The following VPS13B variants were observed in gnomAD, a reference collection of about 807,000 sequenced individuals.
VPS13B encodes the protein intermembrane lipid transfer protein VPS13B.
Under a neutral mutation model 426.4 loss-of-function variants are expected in VPS13B, and 285 were observed. That is an observed-to-expected ratio of 0.67 (90% confidence interval 0.61 to 0.74). The LOEUF (loss-of-function observed/expected upper bound fraction) is 0.74. Among genes scored for constraint, VPS13B ranks in the 30% least tolerant of loss-of-function variants. The pLI is 0.00. For missense variants in VPS13B, 4,537 were observed against 4,782.6 expected (o/e 0.95, Z 1.51); for synonymous variants, 1,676 against 1,676.4 (o/e 1.00, Z 0.01).
At chr8:99,314,695 C>T (rs1344161912) in intron 19 of VPS13B, among the ~76,000 whole-genome samples, 1 of 150,900 alleles carries the variant, frequency 6.6e-6, no homozygotes, top group African/African-American at 2.5e-5. Flanking sequence ...ATGCAATCCT[C>T]CTGCCTTGGC....
intron 61 of VPS13B, among the ~76,000 whole-genome samples, chr8:99,874,626 A>T (rs1383317472): frequency 7.4e-6 from 1 of 135,004 alleles, no homozygotes; most frequent in Non-Finnish European, 1.6e-5. Context: ...CAAACTTCCC[A>T]CTCCACTTGA....
Position 99,337,825 on chromosome 8 carries a change from T to G in VPS13B, c.2825-46383T>G, listed in dbSNP as rs1362755862. Among the ~76,000 whole-genome samples, 4 of 152,172 alleles carry G rather than the reference T, an allele frequency of 2.6e-5. No individual in the cohort carries two copies. In the East Asian group the frequency reaches 7.7e-4, roughly 29 times the overall value. ...CAGGATATCCTTCTATATTTTCCTC[T>G]AAAAGCCTTATAGTTTAGCTTTTAA... On this transcript the variant is annotated intron_variant, in intron 19 of 61. Coordinates refer to ENST00000357162, the MANE Select transcript of VPS13B (RefSeq NM_152564.5).
intron 29 of VPS13B, among the ~76,000 whole-genome samples, chr8:99,519,051 T>C (rs1822236000): frequency 1.3e-5 from 2 of 152,240 alleles, no homozygotes; most frequent in South Asian, 4.1e-4. Context: ...GCTACTATAG[T>C]AGAATCATCT....
chr8:99,565,690 A>AT (rs1446927107), intron 31 of VPS13B, among the ~76,000 whole-genome samples: 8 of 152,102 alleles, frequency 5.3e-5, no homozygotes, highest in Admixed American at 2.0e-4. Context: ...CAAACATGAG[A>AT]TTTTTTCCAG....
chr8:99,185,063 A>G (rs1813147188), intron 16 of VPS13B, among the ~76,000 whole-genome samples: 2 of 152,254 alleles, frequency 1.3e-5, no homozygotes, highest in Non-Finnish European at 2.9e-5. Context: ...GACGAATGTG[A>G]AAATTCAGCG....
chr8:99,501,591 T>C (rs1315826819), intron 25 of VPS13B, 96 bp from the exon 26 acceptor site: 4 of 1,293,756 alleles, frequency 3.1e-6, no homozygotes, highest in Non-Finnish European at 3.2e-6. Flanking sequence ...TGTGAAAAAG[T>C]TACAAATAAT....
At chr8:99,801,174 C>A (rs919118023) in intron 43 of VPS13B, among the ~76,000 whole-genome samples, 2 of 152,072 alleles carry the variant, frequency 1.3e-5, no homozygotes, top group South Asian at 4.1e-4. Flanking sequence ...TCTCTTCACC[C>A]TTCCTTCCTA....
chr8:99,629,759 G>A (rs1156266295), intron 33 of VPS13B, among the ~76,000 whole-genome samples: 1 of 152,082 alleles, frequency 6.6e-6, no homozygotes, highest in Non-Finnish European at 1.5e-5. Flanking sequence ...CAGATTCTGA[G>A]GTGGAGTAAT....
intron 17 of VPS13B, among the ~76,000 whole-genome samples, chr8:99,267,186 A>G (rs1818351752): frequency 6.6e-6 from 1 of 152,168 alleles, no homozygotes; most frequent in Non-Finnish European, 1.5e-5. Flanking sequence ...GATATGGACA[A>G]TGAAGTCTGG....
intron 36 of VPS13B, among the ~76,000 whole-genome samples, chr8:99,709,591 T>C (rs1832631097): frequency 6.6e-6 from 1 of 152,216 alleles, no homozygotes; most frequent in South Asian, 2.1e-4. Context: ...TTTAATTAAA[T>C]ATCTGCCATT....
intron 55 of VPS13B, among the ~76,000 whole-genome samples, 162 bp from the exon 56 acceptor site, chr8:99,853,289 C>T (rs559388670): frequency 6.6e-6 from 1 of 152,218 alleles, no homozygotes; most frequent in East Asian, 1.9e-4. Flanking sequence ...TGACTGACTC[C>T]GTCCAGACAC....
At chr8:99,235,843 A>G (rs900677844) in intron 17 of VPS13B, among the ~76,000 whole-genome samples, 2 of 152,236 alleles carry the variant, frequency 1.3e-5, no homozygotes, top group Admixed American at 6.5e-5. Context: ...GAGATAATAG[A>G]GACATAAAAC....
chr8:99,711,097 A>G (rs1832692585), intron 36 of VPS13B, among the ~76,000 whole-genome samples: 1 of 152,172 alleles, frequency 6.6e-6, no homozygotes, highest in South Asian at 2.1e-4. Flanking sequence ...GTAAATGTTC[A>G]AAGGAAATAT....
At chr8:99,645,334 A>G (rs761549112) in intron 34 of VPS13B, among the ~76,000 whole-genome samples, 1 of 152,222 alleles carries the variant, frequency 6.6e-6, no homozygotes, top group Admixed American at 6.6e-5. Flanking sequence ...AGTACTTAGC[A>G]TTGAGCCAGC....
chr8:99,107,895 TG>T (rs1847130002), intron 5 of VPS13B, among the ~76,000 whole-genome samples: 1 of 152,336 alleles, frequency 6.6e-6, no homozygotes, highest in Middle Eastern at 3.4e-3. Context: ...GTCTGTTACT[TG>T]GGTAAATTGC....
chr8:99,835,885 T>C lies in VPS13B; in HGVS notation c.9942+147T>C, dbSNP rs547749719. Reference sequence around the variant, plus strand: ...AACATGTGTATCCATTTTTACGTCCTCATTAAGTTATAAATTCTCAAACTC... The same window carrying C: ...AACATGTGTATCCATTTTTACGTCCCCATTAAGTTATAAATTCTCAAACTC... On this transcript the variant is annotated intron_variant, in intron 54 of 61. Coordinates refer to ENST00000357162, the MANE Select transcript of VPS13B (RefSeq NM_152564.5). The C allele has an allele frequency of 3.7e-6, 3 of 816,660 alleles. No individual in the cohort carries two copies. The East Asian group carries it at 8.0e-5, about 22-fold the overall frequency. The allele number at this position is 816,660 out of a possible 1,614,324, so 50.6% of individuals were successfully genotyped here.
intron 3 of VPS13B, among the ~76,000 whole-genome samples, chr8:99,088,344 C>G (rs761459091): frequency 6.6e-6 from 1 of 151,936 alleles, no homozygotes; most frequent in East Asian, 1.9e-4. Flanking sequence ...CTGAAATTTG[C>G]AGATCTCATT....
At chr8:99,826,392 A>G (rs1358371107) in intron 51 of VPS13B, among the ~76,000 whole-genome samples, 1 of 152,040 alleles carries the variant, frequency 6.6e-6, no homozygotes, top group African/African-American at 2.4e-5. Context: ...GGTGTATAGG[A>G]ATTCTTGTGA....
At chr8:99,867,279 T>G (rs1454588937) in intron 58 of VPS13B, among the ~76,000 whole-genome samples, 2 of 152,222 alleles carry the variant, frequency 1.3e-5, no homozygotes, top group Non-Finnish European at 2.9e-5. Context: ...GTAAGACTTT[T>G]CTAGCTCTCA....
Sources: gnomAD v4.1 joint callset for allele counts (sites outside exome capture counted in the v4.1 genomes callset) on GRCh38, gnomAD v4.1.1 for gene constraint, MANE v1.5 for transcripts, NCBI Gene and HGNC (gene_info 2026-07-23, HGNC 2026-07-21) for gene names.